Variants in SIAE observed in about 807,000 individuals in gnomAD.
The protein encoded by SIAE is sialate O-acetylesterase.
A neutral mutation model predicts 52.6 loss-of-function variants in SIAE; 39 were observed. The observed-to-expected ratio is 0.74, with a 90% CI of 0.57 to 0.97. The LOEUF (loss-of-function observed/expected upper bound fraction) is 0.97. SIAE is among the 50% of genes least tolerant of loss of function. The pLI, the probability that SIAE is intolerant of heterozygous loss-of-function variation, is 0.00. For missense variants in SIAE, 592 were observed against 662.1 expected, an observed-to-expected ratio of 0.89 and a Z score of 1.16; for synonymous variants, 233 against 241.4, an observed-to-expected ratio of 0.97 and a Z score of 0.32.
In SIAE at chr11:124,645,075, C is replaced by G. The variant is rs1591385730; in HGVS notation, c.966+2290G>C. Reference sequence around the variant, plus strand: ...GAGTTCAGTATCGTGTTCGAAATCACGTGGCTCAGGAGGTGTCACAGCTAG... The same window carrying G: ...GAGTTCAGTATCGTGTTCGAAATCAGGTGGCTCAGGAGGTGTCACAGCTAG... On this transcript the variant is annotated intron_variant, in intron 7 of 9. Coordinates refer to ENST00000263593, the MANE Select transcript of SIAE (RefSeq NM_170601.5). The surrounding 1 kb of genome is among the most constrained non-coding windows in gnomAD (Gnocchi z 4.7). 6.6e-6 allele frequency among the ~76,000 whole-genome samples: 1 copy of G among 152,160 alleles called. No individual in the cohort carries two copies. The highest frequency in any genetic ancestry group is 1.5e-5 in the Non-Finnish European group (1 of 68,042).
intron 8 of SIAE, 115 bp downstream of exon 8, chr11:124,639,595 A>G (rs570788786): frequency 7.6e-7 from 1 of 1,318,286 alleles, no homozygotes; most frequent in Non-Finnish European, 1.1e-6. Context: ...ACACCCCAGC[A>G]TACGTGACTC....
chr11:124,672,807 G>GA, intron 1 of SIAE, among the ~76,000 whole-genome samples: 1 of 152,094 alleles, frequency 6.6e-6, no homozygotes, highest in Admixed American at 6.5e-5. Context: ...GGTAGAGCAG[G>GA]AGTCATTTTT....
chr11:124,637,246 T>C lies in SIAE; in HGVS notation c.1321-44A>G, dbSNP rs746883032. ...AATAGGAATGATTAGGTCAGAAGGG[T>C]CTTCCAAGAAACTGGGCACTGCTCT... On this transcript the variant is annotated intron_variant, in intron 9 of 9. Transcript: ENST00000263593. 1.7e-5 allele frequency: 27 copies of C among 1,613,118 alleles called. No homozygotes were observed. In the Admixed American group the frequency reaches 4.3e-4, roughly 26 times the overall value.
chr11:124,635,992 T>C lies in SIAE; in HGVS notation c.*959A>G, dbSNP rs1942729305. ...TGGCTTTACTTTCAGCCTCACTCTT[T>C]TCTTCTTCCAAATGGATTATCCTTA... On this transcript the variant is annotated 3_prime_UTR_variant, in exon 10 of 10. Transcript: ENST00000263593. 1 of 152,230 alleles carries C rather than the reference T, an allele frequency of 6.6e-6. No homozygotes were observed. Among genetic ancestry groups the C allele is most frequent in the Admixed American group, 6.5e-5 (1 of 15,280 alleles). 9.4% of individuals were successfully genotyped at this position (152,230 alleles called of 1,614,324 possible).
rs1414393878 is a variant in SIAE at position 124,670,760 on chromosome 11, T to C, written c.68-1239A>G. 6.6e-6 allele frequency among the ~76,000 whole-genome samples: 1 copy of C among 152,228 alleles called. No individual in the cohort carries two copies. The highest frequency in any genetic ancestry group is 2.4e-5 in the African/African-American group (1 of 41,458). On this transcript the variant is annotated intron_variant, in intron 1 of 9. Coordinates refer to ENST00000263593, the MANE Select transcript of SIAE (RefSeq NM_170601.5). The surrounding 1 kb of genome is among the most constrained non-coding windows in gnomAD (Gnocchi z 4.5). ...CCTAAAAATCCTCAGCGCTCTCTTA[T>C]GAGCTAGTGTGATCAAGAAACCTAC...
In SIAE at chr11:124,638,709, C is replaced by T. The variant is rs142442221; in HGVS notation, c.1153G>A (p.Ala385Thr). Residue 385 changes from alanine (A) to threonine (T), a missense_variant, in exon 9 of 10, where the codon GCT (alanine) becomes ACT (threonine). Physicochemically the swap from Ala to Thr is moderately conservative, Grantham distance 58. Coordinates refer to ENST00000263593, the MANE Select transcript of SIAE (RefSeq NM_170601.5). ...CGGGCCCCCAAATGCAGCCGATAAGCCACAGTCTGTTTATCTCGAGGGTGG... is the reference window on the plus strand; with the variant it reads ...CGGGCCCCCAAATGCAGCCGATAAGTCACAGTCTGTTTATCTCGAGGGTGG... ...SIHPRDKQTV[A>T]YRLHLGARAL... The T allele has an allele frequency of 3.1e-6, 5 of 1,613,976 alleles. No individual in the cohort carries two copies. In the African/African-American group the frequency reaches 6.7e-5, roughly 22 times the overall value.
chr11:124,665,833 G>A (rs367932835), intron 2 of SIAE, among the ~76,000 whole-genome samples: 26 of 152,072 alleles, frequency 1.7e-4, no homozygotes, highest in South Asian at 1.0e-3. Context: ...GAAAAAAAGA[G>A]AAAAGAAAAA....
In SIAE at chr11:124,660,670, C is replaced by T; in HGVS notation, c.363G>A (p.Trp121Ter). The part of the protein sequence containing the change: ...RVHDVLFGDV[W>*]LCSGQSNMQM... ...GCATGTTACTCTGCCCACTACAGAG[C>T]CAGACATCTCCAAACAGGACGTCAT... The change falls in exon 3 of 10, where the codon TGG (tryptophan) becomes TGA (stop). Residue 121 changes from tryptophan to a stop codon, truncating the protein, a stop_gained. Coordinates refer to ENST00000263593, the MANE Select transcript of SIAE (RefSeq NM_170601.5). LOFTEE classifies it high-confidence loss of function. 6.2e-7 allele frequency: 1 copy of T among 1,614,162 alleles called. No homozygotes were observed. The highest frequency in any genetic ancestry group is 8.5e-7 in the Non-Finnish European group (1 of 1,180,034).
chr11:124,661,640 G>A (rs1383644859), intron 2 of SIAE, among the ~76,000 whole-genome samples: 2 of 151,792 alleles, frequency 1.3e-5, no homozygotes, highest in Non-Finnish European at 2.9e-5. Flanking sequence ...CTTCAAAATG[G>A]CAAAAATTAT....
chr11:124,642,402 G>A (rs1306418905), intron 7 of SIAE, among the ~76,000 whole-genome samples: 1 of 152,170 alleles, frequency 6.6e-6, no homozygotes, highest in Admixed American at 6.5e-5. Flanking sequence ...CAAAACACAA[G>A]AATCCCTTCC....
rs993128901 is a variant in SIAE, at chr11:124,636,861, C to T, written c.*90G>A. On this transcript the variant is annotated 3_prime_UTR_variant, in exon 10 of 10. Coordinates refer to ENST00000263593, the MANE Select transcript of SIAE (RefSeq NM_170601.5). ...TTCAATGAGGCTTTCTATTAATTTC[C>T]TTTAAAAGCAATGGTTATTATTGAA... 4 of 1,579,250 alleles carry T rather than the reference C, an allele frequency of 2.5e-6. No individual in the cohort carries two copies. Among genetic ancestry groups the T allele is most frequent in the Non-Finnish European group, 8.7e-7 (1 of 1,151,040 alleles).
intron 6 of SIAE, among the ~76,000 whole-genome samples, chr11:124,647,699 C>G (rs564419117): frequency 6.6e-6 from 1 of 152,134 alleles, no homozygotes; most frequent in Non-Finnish European, 1.5e-5. Context: ...GCTCTGTCCT[C>G]TCCTGATGAC....
rs903341369 is a variant in SIAE, at chr11:124,645,319, CTTT to C, written c.966+2043_966+2045del. Among the ~76,000 whole-genome samples the C allele has an allele frequency of 6.8e-6, 1 of 146,120 alleles. No homozygotes were observed. Among genetic ancestry groups the C allele is most frequent in the East Asian group, 2.0e-4 (1 of 5,054 alleles). ...TCAGGTCTTTCTGATTGCTATATTTCTTTTTTTTTTTTGAGACGGAGTTTCGCT... is the reference window on the plus strand; with the variant it reads ...TCAGGTCTTTCTGATTGCTATATTTCTTTTTTTTTGAGACGGAGTTTCGCT... On this transcript the variant is annotated intron_variant, in intron 7 of 9. Coordinates refer to ENST00000263593, the MANE Select transcript of SIAE (RefSeq NM_170601.5). The surrounding 1 kb of genome is among the most constrained non-coding windows in gnomAD (Gnocchi z 4.7).
rs1458806273 is a variant in SIAE at position 124,670,898 on chromosome 11, CAGCCTG to C, written c.68-1383_68-1378del. On this transcript the variant is annotated intron_variant, in intron 1 of 9. Coordinates refer to ENST00000263593, the MANE Select transcript of SIAE (RefSeq NM_170601.5). This position sits in a 1 kb window ranked among gnomAD's most constrained non-coding sequence, Gnocchi z 4.5. ...CCCCAGAATTGCATAAGCAGGTTGGCAGCCTGCTGGAGGGAAGGGGGAGGCACATGT... is the reference window on the plus strand; with the variant it reads ...CCCCAGAATTGCATAAGCAGGTTGGCCTGGAGGGAAGGGGGAGGCACATGT... 6.6e-6 allele frequency among the ~76,000 whole-genome samples: 1 copy of C among 152,182 alleles called. No homozygotes were observed. Among genetic ancestry groups the C allele is most frequent in the African/African-American group, 2.4e-5 (1 of 41,440 alleles).
At chr11:124,673,938 T>C, upstream of SIAE, 1 of 578,986 alleles carries the variant, frequency 1.7e-6, no homozygotes, top group Non-Finnish European at 3.1e-6. Flanking sequence ...CGGCACCAGC[T>C]CGGAGAGAAA....
chr11:124,652,177 G>GGT (rs903415285), intron 4 of SIAE, among the ~76,000 whole-genome samples: 4 of 151,966 alleles, frequency 2.6e-5, no homozygotes, highest in African/African-American at 9.7e-5. Context: ...GAGAATGTGG[G>GGT]GTGTAGGCAA....
At chr11:124,655,529 G>A (rs958081839) in intron 3 of SIAE, among the ~76,000 whole-genome samples, 20 of 152,106 alleles carry the variant, frequency 1.3e-4, no homozygotes, top group Admixed American at 1.2e-3. Context: ...CAAAAAGGCC[G>A]TGGGGAGGTA....
At chr11:124,652,597 G>A (rs1476863323) in intron 4 of SIAE, among the ~76,000 whole-genome samples, 1 of 151,620 alleles carries the variant, frequency 6.6e-6, no homozygotes. Flanking sequence ...GGGAGGCTGA[G>A]GCAGAAGAAT....
At chr11:124,669,091 G>C (rs1265233023) in intron 2 of SIAE, among the ~76,000 whole-genome samples, 4 of 152,130 alleles carry the variant, frequency 2.6e-5, no homozygotes, top group African/African-American at 9.7e-5. Context: ...CTTCATCATA[G>C]CATTCATCAC....
Sources: gnomAD v4.1 joint callset for allele counts (sites outside exome capture counted in the v4.1 genomes callset) on GRCh38, gnomAD v4.1.1 for gene constraint, Gnocchi (gnomAD v3.1) non-coding constraint, MANE v1.5 for transcripts, NCBI Gene and HGNC (gene_info 2026-07-23, HGNC 2026-07-21) for gene names.